Variants in HPS3 observed in about 807,000 individuals in gnomAD.
HPS3 encodes HPS3 biogenesis of lysosomal organelles complex 2 subunit 1.
In HPS3, 79 loss-of-function variants were observed where a neutral mutation model predicts 110.9. The observed-to-expected ratio is 0.71, with a 90% confidence interval of 0.59 to 0.86. HPS3 has a LOEUF of 0.86. Ranked by LOEUF, HPS3 falls within the 40% of genes least tolerant of loss-of-function variation. HPS3 has a pLI of 0.00. For missense variants in HPS3, 1,197 were observed against 1,206.2 expected, an observed-to-expected ratio of 0.99 and a Z score of 0.11; for synonymous variants, 428 against 451.0, an observed-to-expected ratio of 0.95 and a Z score of 0.65.
At position 149,160,179 on chromosome 3, in the gene HPS3, C is replaced by G. The variant is rs1260411341; in HGVS notation, c.2006C>G (p.Ser669Cys). The G allele has an allele frequency of 2.5e-6, 4 of 1,613,790 alleles. No individual in the cohort carries two copies. The highest frequency in any genetic ancestry group is 2.2e-5 in the South Asian group (2 of 91,080). Residue 669 changes from serine (S) to cysteine (C), a missense_variant, in exon 11 of 17, where the codon TCT becomes TGT. Ser to Cys is a moderately radical substitution (Grantham distance 112). Transcript: ENST00000296051. ...AGCTATCTAAGGAAGCTGGATACTTCTGGGTTTTCATCGATCTTAGTGACA... is the reference window on the plus strand; with the variant it reads ...AGCTATCTAAGGAAGCTGGATACTTGTGGGTTTTCATCGATCTTAGTGACA... ...AMSYLRKLDT[S>C]GFSSILVTLT... is the part of the protein sequence containing the mutation.
At position 149,150,686 on chromosome 3, in the gene HPS3, A is replaced by G. The variant is rs1320954791; in HGVS notation, c.1245+6A>G. 1 of 1,609,270 alleles carries G rather than the reference A, an allele frequency of 6.2e-7. No homozygotes were observed. The highest frequency in any genetic ancestry group is 1.3e-5 in the African/African-American group (1 of 74,948). On this transcript the variant is annotated splice_donor_region_variant and intron_variant, in intron 6 of 16. Coordinates refer to ENST00000296051, the MANE Select transcript of HPS3 (RefSeq NM_032383.5). ...ACATGGACACCACCCTGAAGGTAAG[A>G]ACTGGCTTATGAAGATAGTGAAACC... is the stretch of plus-strand genomic sequence containing the variant.
chr3:149,164,740 T>G (rs1724233992), intron 14 of HPS3, among the ~76,000 whole-genome samples: 1 of 152,228 alleles, frequency 6.6e-6, no homozygotes, highest in African/African-American at 2.4e-5. Flanking sequence ...GGGTTGGGGC[T>G]GACCCGCAGC....
intron 6 of HPS3, among the ~76,000 whole-genome samples, chr3:149,153,014 G>A (rs529721328): frequency 5.3e-5 from 8 of 152,144 alleles, no homozygotes; most frequent in Non-Finnish European, 7.3e-5. Flanking sequence ...ACACACATCC[G>A]CAAAGAAACC....
At chr3:149,132,166 G>A (rs1008829173) in intron 1 of HPS3, among the ~76,000 whole-genome samples, 4 of 152,236 alleles carry the variant, frequency 2.6e-5, no homozygotes, top group African/African-American at 9.6e-5. Flanking sequence ...ATATAGCTAA[G>A]ATGAGTTTAT....
chr3:149,152,646 G>C (rs1038579948), intron 6 of HPS3, among the ~76,000 whole-genome samples: 4 of 152,304 alleles, frequency 2.6e-5, no homozygotes, highest in African/African-American at 7.2e-5. Context: ...TCAAGAGTCT[G>C]GTTGAAAGTG....
At chr3:149,149,095 A>C (rs1227560905) in intron 5 of HPS3, among the ~76,000 whole-genome samples, 1 of 150,532 alleles carries the variant, frequency 6.6e-6, no homozygotes, top group Non-Finnish European at 1.5e-5. Flanking sequence ...CTAAGACTAC[A>C]GGCGCCCACC....
chr3:149,158,559 A>T, intron 9 of HPS3, 107 bp from the exon 10 acceptor site: 1 of 1,058,736 alleles, frequency 9.4e-7, no homozygotes, highest in Non-Finnish European at 1.5e-6. Flanking sequence ...AGGCTGAGGT[A>T]GGATAATCAC....
Position 149,155,092 on chromosome 3 carries a change from T to C in HPS3, c.1401-15T>C. ...AATGTCATTTTAAAATTCTTGTCCT[T>C]TGTTTTGCTTTTAGTTCGAGAAAAG... On this transcript the variant is annotated splice_polypyrimidine_tract_variant and intron_variant, in intron 7 of 16. Transcript: ENST00000296051. The C allele has an allele frequency of 7.4e-7, 1 of 1,342,626 alleles. No homozygotes were observed. Among genetic ancestry groups the C allele is most frequent in the Non-Finnish European group, 1.1e-6 (1 of 932,372 alleles). 83.2% of individuals were successfully genotyped at this position (1,342,626 alleles called of 1,614,324 possible).
intron 4 of HPS3, among the ~76,000 whole-genome samples, chr3:149,144,123 T>G (rs747706308): frequency 1.3e-5 from 2 of 151,502 alleles, no homozygotes; most frequent in Non-Finnish European, 2.9e-5. Context: ...ACGCCTGTAA[T>G]CCCAGCACTT....
chr3:149,157,968 A>C (rs1157670598), intron 9 of HPS3, among the ~76,000 whole-genome samples: 4 of 152,220 alleles, frequency 2.6e-5, no homozygotes, highest in Non-Finnish European at 4.4e-5. Flanking sequence ...CCCACCATCT[A>C]TGAGCCAGTT....
At position 149,168,403 on chromosome 3, in the gene HPS3, T is replaced by C. The variant is rs538746899; in HGVS notation, c.2887+420T>C. On this transcript the variant is annotated intron_variant, in intron 16 of 16. Transcript: ENST00000296051. ...CAACCTCAAGGATTTAAAAGTTGAG[T>C]ATCTAAATTGTACCGTATTTTACAG... 4.0e-5 allele frequency: 8 copies of C among 202,260 alleles called. No individual in the cohort carries two copies. The South Asian group carries it at 6.7e-4, about 17-fold the overall frequency. The allele number at this position is 202,260 out of a possible 1,614,324, so 12.5% of individuals were successfully genotyped here. A position where few individuals can be genotyped will look rare whatever the true frequency, so the allele number is the denominator to read the frequency against.
At chr3:149,136,216 A>C (rs1722085655) in intron 1 of HPS3, among the ~76,000 whole-genome samples, 1 of 150,762 alleles carries the variant, frequency 6.6e-6, no homozygotes, top group African/African-American at 2.4e-5. Context: ...ATATATATAT[A>C]CACACACACA....
chr3:149,170,284 A>G (rs1357444508), intron 16 of HPS3, among the ~76,000 whole-genome samples: 2 of 152,346 alleles, frequency 1.3e-5, no homozygotes, highest in South Asian at 2.1e-4. Flanking sequence ...ACAACTCCAC[A>G]CTAGCTCTCC....
At chr3:149,169,140 A>AT (rs112171131) in intron 16 of HPS3, among the ~76,000 whole-genome samples, 1 of 151,620 alleles carries the variant, frequency 6.6e-6, no homozygotes, top group Non-Finnish European at 1.5e-5. Context: ...TGTTTTATTC[A>AT]TTTTTTCAAG....
intron 7 of HPS3, among the ~76,000 whole-genome samples, chr3:149,154,334 G>A (rs1523510): frequency 0.31 from 46,641 of 151,998 alleles, 8,132 homozygotes; most frequent in African/African-American, 0.49. Flanking sequence ...TATCAAACAT[G>A]GGTTATTTTT....
intron 5 of HPS3, among the ~76,000 whole-genome samples, chr3:149,149,354 G>A (rs2689227): frequency 0.21 from 32,238 of 152,008 alleles, 3,664 homozygotes; most frequent in South Asian, 0.3. Flanking sequence ...CACTGCAGGT[G>A]CTTTTTTGCT....
rs532211491 is a variant in HPS3 at position 149,149,929 on chromosome 3, A to C, written c.1164-670A>C. 6.4e-4 allele frequency among the ~76,000 whole-genome samples: 98 copies of C among 152,244 alleles called. 1 individual carries two copies. The highest frequency in any genetic ancestry group is 1.3e-3 in the Non-Finnish European group (86 of 68,022). ...ATGCAGAAGCAGCCTGGAGTTGTGG[A>C]AAGAGGTAGAGGAGTGTGAGGGGTC... On this transcript the variant is annotated intron_variant, in intron 5 of 16. Transcript: ENST00000296051.
At chr3:149,134,678 G>A (rs973837875) in intron 1 of HPS3, among the ~76,000 whole-genome samples, 4 of 152,170 alleles carry the variant, frequency 2.6e-5, no homozygotes, top group Admixed American at 6.5e-5. Flanking sequence ...GTTGAGAACC[G>A]CTGATCTAGA....
intron 8 of HPS3, among the ~76,000 whole-genome samples, chr3:149,156,176 A>G (rs1031621195): frequency 6.6e-6 from 1 of 152,090 alleles, no homozygotes; most frequent in Admixed American, 6.6e-5. Context: ...ATATACATAC[A>G]CTGTTTTCTG....
Sources: allele counts gnomAD v4.1 joint callset (sites outside exome capture counted in the v4.1 genomes callset), GRCh38; gene constraint gnomAD v4.1.1; transcripts MANE v1.5; gene names NCBI Gene and HGNC (gene_info 2026-07-23, HGNC 2026-07-21).